Variants in ADAMTS6 observed in about 807,000 individuals in gnomAD.
The protein encoded by ADAMTS6 is A disintegrin and metalloproteinase with thrombospondin motifs 6.
ADAMTS6 carries 23 observed loss-of-function variants against 144.3 expected under a neutral mutation model. The observed-to-expected ratio is 0.16, with a 90% CI of 0.11 to 0.23. ADAMTS6 has a LOEUF of 0.23. Among genes scored for constraint, ADAMTS6 ranks in the 10% least tolerant of loss-of-function variants. The probability of loss-of-function intolerance (pLI) is 1.00; values close to 1 mark genes in which losing one functional copy is unlikely to be tolerated. For missense variants in ADAMTS6, 999 were observed against 1,379.6 expected (o/e 0.72, Z 4.37); for synonymous variants, 444 against 457.5 (o/e 0.97, Z 0.38).
At chr5:65,317,584 T>TAA (rs1745134144) in intron 9 of ADAMTS6, among the ~76,000 whole-genome samples, 3 of 152,242 alleles carry the variant, frequency 2.0e-5, no homozygotes, top group South Asian at 2.1e-4. Flanking sequence ...AAAAAGCTTC[T>TAA]GCACAGCAAA....
At chr5:65,232,461 T>C (rs1758325039) in intron 15 of ADAMTS6, among the ~76,000 whole-genome samples, 1 of 151,788 alleles carries the variant, frequency 6.6e-6, no homozygotes, top group African/African-American at 2.4e-5. Context: ...TACCTTTAGC[T>C]ATACTAGGAG....
chr5:65,327,503 A>AT (rs1277617890), intron 9 of ADAMTS6, among the ~76,000 whole-genome samples: 1 of 151,966 alleles, frequency 6.6e-6, no homozygotes, highest in Admixed American at 6.6e-5. Flanking sequence ...ATTTTGTGGA[A>AT]TTTTTTCCCC....
At chr5:65,256,985 C>CTCTCTTTTT (rs765554792) in intron 14 of ADAMTS6, among the ~76,000 whole-genome samples, 4 of 88,678 alleles carry the variant, frequency 4.5e-5, no homozygotes, top group African/African-American at 2.3e-4. Flanking sequence ...CTCTCTCTCT[C>CTCTCTTTTT]TTTTTTTTTT....
intron 11 of ADAMTS6, among the ~76,000 whole-genome samples, chr5:65,277,212 C>T (rs1037521320): frequency 2.0e-5 from 3 of 152,148 alleles, no homozygotes; most frequent in African/African-American, 7.2e-5. Context: ...AAAGTAATAG[C>T]TTTTTCCCAA....
intron 7 of ADAMTS6, among the ~76,000 whole-genome samples, chr5:65,381,652 C>T (rs141010120): frequency 0.039 from 5,757 of 148,720 alleles, 386 homozygotes; most frequent in African/African-American, 0.14. Flanking sequence ...TCCAAAAGTG[C>T]GGGGATTACA....
At chr5:65,446,542 A>G (rs1306963974) in intron 7 of ADAMTS6, among the ~76,000 whole-genome samples, 2 of 152,184 alleles carry the variant, frequency 1.3e-5, no homozygotes, top group Non-Finnish European at 2.9e-5. Flanking sequence ...TTAATGAAAA[A>G]CTGTACAAGT....
intron 13 of ADAMTS6, among the ~76,000 whole-genome samples, chr5:65,261,669 G>C (rs1216608486): frequency 6.6e-6 from 1 of 152,182 alleles, no homozygotes; most frequent in African/African-American, 2.4e-5. Context: ...GAACCAGCTT[G>C]AGAGAAATGG....
intron 7 of ADAMTS6, among the ~76,000 whole-genome samples, chr5:65,439,637 T>G (rs1757717197): frequency 6.6e-6 from 1 of 152,098 alleles, no homozygotes; most frequent in Non-Finnish European, 1.5e-5. Context: ...ATAGAACGTG[T>G]GATCCTAGGT....
At chr5:65,281,231 T>C (rs1348324219) in intron 11 of ADAMTS6, among the ~76,000 whole-genome samples, 1 of 152,172 alleles carries the variant, frequency 6.6e-6, no homozygotes, top group Non-Finnish European at 1.5e-5. Context: ...TCCCAGATAA[T>C]CACCACACAC....
At chr5:65,332,944 G>C (rs923392321) in intron 8 of ADAMTS6, among the ~76,000 whole-genome samples, 2 of 152,082 alleles carry the variant, frequency 1.3e-5, no homozygotes. Context: ...AATCCTAAGG[G>C]AAATGGGTAG....
At chr5:65,357,535 A>T (rs1018340896) in intron 7 of ADAMTS6, among the ~76,000 whole-genome samples, 2 of 151,784 alleles carry the variant, frequency 1.3e-5, no homozygotes, top group African/African-American at 4.8e-5. Flanking sequence ...GACTAAAAAA[A>T]CAATAAAAAA....
intron 11 of ADAMTS6, among the ~76,000 whole-genome samples, chr5:65,286,770 C>T (rs1741708492): frequency 6.6e-6 from 1 of 152,168 alleles, no homozygotes; most frequent in African/African-American, 2.4e-5. Flanking sequence ...TTAATCTATG[C>T]TTTTTGGGAA....
At position 65,461,419 on chromosome 5, in the gene ADAMTS6, T is replaced by C. The variant is rs115630896; in HGVS notation, c.463-1081A>G. ...AAAACCATAGAAAGTGTCCCACATG[T>C]AATAGGTATAAATAGAACTTTGTTG... On this transcript the variant is annotated intron_variant, in intron 3 of 24. Coordinates refer to ENST00000381055, the MANE Select transcript of ADAMTS6 (RefSeq NM_197941.4). Among the ~76,000 whole-genome samples the C allele has an allele frequency of 2.0e-3, 308 of 152,350 alleles. 2 individuals carry two copies. The highest frequency in any genetic ancestry group is 7.1e-3 in the African/African-American group (296 of 41,586).
chr5:65,381,892 G>A (rs537340073), intron 7 of ADAMTS6, among the ~76,000 whole-genome samples: 2 of 152,122 alleles, frequency 1.3e-5, no homozygotes, highest in African/African-American at 2.4e-5. Flanking sequence ...ATGCCATTCT[G>A]TGAGGAATTA....
At chr5:65,231,187 G>T (rs922079755) in intron 15 of ADAMTS6, among the ~76,000 whole-genome samples, 1 of 151,612 alleles carries the variant, frequency 6.6e-6, no homozygotes, top group Non-Finnish European at 1.5e-5. Context: ...TAAGTGATGG[G>T]AAAATATATT....
chr5:65,215,608 G>C (rs1004416973), intron 18 of ADAMTS6, 121 bp from the exon 19 acceptor site: 1 of 808,120 alleles, frequency 1.2e-6, no homozygotes. Context: ...TGTGACTCTT[G>C]ACCATATTCT....
chr5:65,316,220 G>C (rs560354754), intron 9 of ADAMTS6, among the ~76,000 whole-genome samples: 13 of 152,192 alleles, frequency 8.5e-5, no homozygotes, highest in South Asian at 2.1e-4. Context: ...CCTATAGTTA[G>C]AAACTTTTAC....
At chr5:65,393,392 G>C (rs1175905535) in intron 7 of ADAMTS6, among the ~76,000 whole-genome samples, 3 of 152,128 alleles carry the variant, frequency 2.0e-5, no homozygotes, top group Non-Finnish European at 4.4e-5. Context: ...ATCCATACTT[G>C]TTATGCAAAA....
At chr5:65,348,505 G>C (rs1164563420) in intron 7 of ADAMTS6, among the ~76,000 whole-genome samples, 3 of 152,144 alleles carry the variant, frequency 2.0e-5, no homozygotes, top group Non-Finnish European at 2.9e-5. Flanking sequence ...CTAGGGATGG[G>C]AGAGAAGGGA....
Sources: gnomAD v4.1 joint callset for allele counts (sites outside exome capture counted in the v4.1 genomes callset) on GRCh38, gnomAD v4.1.1 for gene constraint, MANE v1.5 for transcripts, NCBI Gene and HGNC (gene_info 2026-07-23, HGNC 2026-07-21) for gene names.